SUPT3H: variants seen among roughly 807,000 people sequenced by gnomAD.
SUPT3H encodes transcription initiation protein SPT3 homolog.
Under a neutral mutation model 44.3 loss-of-function variants are expected in SUPT3H, and 44 were observed. That is an observed-to-expected ratio of 0.99 (90% CI 0.78 to 1.28). The LOEUF is 1.28. Among genes scored for constraint, SUPT3H ranks in the 50% most tolerant of loss-of-function variants. The probability of loss-of-function intolerance (pLI) is 0.00; values close to 1 mark genes in which losing one functional copy is unlikely to be tolerated. For missense variants in SUPT3H, 380 were observed against 387.1 expected, an observed-to-expected ratio of 0.98 and a Z score of 0.15; for synonymous variants, 124 against 125.6, an observed-to-expected ratio of 0.99 and a Z score of 0.09.
At chr6:44,932,591 C>G in intron 10 of SUPT3H, 62 bp downstream of exon 10, 1 of 1,241,820 alleles carries the variant, frequency 8.1e-7, no homozygotes, top group Non-Finnish European at 1.1e-6. Flanking sequence ...CATTTGACCA[C>G]TTGAAAATCA....
chr6:44,863,384 G>A (rs1055075278), intron 10 of SUPT3H, among the ~76,000 whole-genome samples: 1 of 152,218 alleles, frequency 6.6e-6, no homozygotes, highest in Non-Finnish European at 1.5e-5. Flanking sequence ...AAAAAGCAAC[G>A]GTGAGTTCTA....
At chr6:44,888,346 C>T (rs1222953889) in intron 10 of SUPT3H, among the ~76,000 whole-genome samples, 1 of 152,068 alleles carries the variant, frequency 6.6e-6, no homozygotes, top group East Asian at 1.9e-4. Flanking sequence ...CCTTGATGAA[C>T]ATTGATGCAA....
At chr6:45,336,239 C>T (rs1269719144) in intron 2 of SUPT3H, among the ~76,000 whole-genome samples, 5 of 151,354 alleles carry the variant, frequency 3.3e-5, no homozygotes, top group African/African-American at 1.2e-4. Context: ...AAAGTGTTAG[C>T]TAGATAAGGA....
intron 10 of SUPT3H, among the ~76,000 whole-genome samples, chr6:44,907,824 T>G (rs576154875): frequency 6.8e-6 from 1 of 146,968 alleles, no homozygotes; most frequent in African/African-American, 2.4e-5. Context: ...CTTTCAAAAT[T>G]TCTGATTTGC....
At chr6:45,371,367 A>G (rs1256911775) in intron 1 of SUPT3H, among the ~76,000 whole-genome samples, 1 of 152,076 alleles carries the variant, frequency 6.6e-6, no homozygotes, top group Non-Finnish European at 1.5e-5. Context: ...TGGAGTTTAT[A>G]AAGGGTACTT....
At position 45,014,111 on chromosome 6, in the gene SUPT3H, G is replaced by A. The variant is rs114745531; in HGVS notation, c.364+690C>T. Reference sequence around the variant, plus strand: ...CAGAAGTCCCACGTCAAGATTAGATGTGTTCTACCTGAATATTTTACTTTA... The same window carrying A: ...CAGAAGTCCCACGTCAAGATTAGATATGTTCTACCTGAATATTTTACTTTA... On this transcript the variant is annotated intron_variant, in intron 5 of 10. Coordinates refer to ENST00000371459, the MANE Select transcript of SUPT3H (RefSeq NM_003599.4). 2.6e-3 allele frequency among the ~76,000 whole-genome samples: 388 copies of A among 151,956 alleles called. 3 individuals are homozygous for A. The highest frequency in any genetic ancestry group is 8.5e-3 in the African/African-American group (354 of 41,460).
At chr6:45,112,434 ATAT>A (rs1800200806) in intron 2 of SUPT3H, among the ~76,000 whole-genome samples, 1 of 152,148 alleles carries the variant, frequency 6.6e-6, no homozygotes, top group Non-Finnish European at 1.5e-5. Context: ...GGTGTTGAAC[ATAT>A]TATCACGGAA....
chr6:44,876,836 GAAAAA>G (rs200454659), intron 10 of SUPT3H, among the ~76,000 whole-genome samples: 101 of 92,250 alleles, frequency 1.1e-3, no homozygotes, highest in Non-Finnish European at 1.8e-3. Context: ...ATCTTCAATT[GAAAAA>G]AAAAAAAAAG....
At chr6:45,251,731 C>G (rs1772402503) in intron 2 of SUPT3H, among the ~76,000 whole-genome samples, 1 of 152,082 alleles carries the variant, frequency 6.6e-6, no homozygotes, top group Non-Finnish European at 1.5e-5. Flanking sequence ...TAGTTTCATT[C>G]TACCATAAAC....
intron 3 of SUPT3H, among the ~76,000 whole-genome samples, chr6:45,077,643 G>GAA (rs1562409036): frequency 6.9e-5 from 4 of 57,644 alleles, no homozygotes; most frequent in Non-Finnish European, 9.5e-5. Flanking sequence ...AAAAAAAAAA[G>GAA]AAAAGAAAAA....
At chr6:45,351,209 T>G (rs562002923) in intron 2 of SUPT3H, among the ~76,000 whole-genome samples, 1 of 152,094 alleles carries the variant, frequency 6.6e-6, no homozygotes, top group African/African-American at 2.4e-5. Flanking sequence ...AAAAAAATTA[T>G]GCTCTAAATT....
At chr6:44,852,365 A>G (rs918340036) in intron 10 of SUPT3H, among the ~76,000 whole-genome samples, 1 of 152,188 alleles carries the variant, frequency 6.6e-6, no homozygotes, top group Admixed American at 6.5e-5. Context: ...ACTGAAAGCC[A>G]TATTATAGAG....
At chr6:45,334,629 C>T (rs936383383) in intron 2 of SUPT3H, among the ~76,000 whole-genome samples, 12 of 151,002 alleles carry the variant, frequency 7.9e-5, no homozygotes, top group African/African-American at 2.9e-4. Flanking sequence ...AAATACGTGT[C>T]ATATATGTTC....
At chr6:44,850,796 A>C (rs909774494) in intron 10 of SUPT3H, among the ~76,000 whole-genome samples, 16 of 99,192 alleles carry the variant, frequency 1.6e-4, no homozygotes, top group African/African-American at 5.7e-4. Context: ...ATCTATCTAT[A>C]AATGTACCTT....
At chr6:45,019,332 T>G (rs1387758850) in intron 4 of SUPT3H, among the ~76,000 whole-genome samples, 2 of 152,096 alleles carry the variant, frequency 1.3e-5, no homozygotes, top group Middle Eastern at 3.2e-3. Context: ...AAGGGTTTTT[T>G]TGTGTGTCTA....
intron 10 of SUPT3H, among the ~76,000 whole-genome samples, chr6:44,868,039 T>G (rs536697235): frequency 6.6e-6 from 1 of 152,174 alleles, no homozygotes; most frequent in South Asian, 2.1e-4. Flanking sequence ...TGGTCATTAG[T>G]GCAAATTAGT....
At chr6:45,209,916 T>G (rs1763810161) in intron 2 of SUPT3H, among the ~76,000 whole-genome samples, 1 of 152,066 alleles carries the variant, frequency 6.6e-6, no homozygotes, top group Non-Finnish European at 1.5e-5. Context: ...CAAGGCAAGA[T>G]CCTCTGCCAG....
rs766063447 is a variant in SUPT3H, at chr6:45,020,596, C to T, written c.223G>A (p.Ala75Thr). The T allele has an allele frequency of 7.3e-5, 117 of 1,611,526 alleles. 1 individual carries two copies. Among genetic ancestry groups the T allele is most frequent in the Non-Finnish European group, 9.4e-5 (111 of 1,178,414 alleles). The change falls in exon 4 of 11, where the codon GCA becomes ACA. Residue 75 changes from alanine to threonine, a missense_variant. Transcript: ENST00000371459. ...QAAEVSQLRG[A>T]RVITPEDLLF... is the part of the protein sequence containing the mutation. ...AGATCTTCAGGAGTGATTACCCTTGCTCCCCGCAGCTGAGAAACTTCAGCA... is the reference window on the plus strand; with the variant it reads ...AGATCTTCAGGAGTGATTACCCTTGTTCCCCGCAGCTGAGAAACTTCAGCA...
At chr6:45,356,920 C>A (rs953799202) in intron 2 of SUPT3H, among the ~76,000 whole-genome samples, 1 of 152,146 alleles carries the variant, frequency 6.6e-6, no homozygotes, top group African/African-American at 2.4e-5. Context: ...TGTAACGAGG[C>A]AAATCAATAT....
Sources: gnomAD v4.1 joint callset for allele counts (sites outside exome capture counted in the v4.1 genomes callset) on GRCh38, gnomAD v4.1.1 for gene constraint, MANE v1.5 for transcripts, NCBI Gene and HGNC (gene_info 2026-07-23, HGNC 2026-07-21) for gene names.